The following PAGE2B variants were observed in gnomAD, a reference collection of about 807,000 sequenced individuals.
PAGE2B encodes PAGE family member 2B.
Under a neutral mutation model 7.6 loss-of-function variants are expected in PAGE2B, and 5 were observed. The observed-to-expected ratio is 0.66, with a 90% CI of 0.34 to 1.38. PAGE2B has a LOEUF of 1.38. Among genes scored for constraint, PAGE2B ranks in the 40% most tolerant of loss-of-function variants. PAGE2B has a pLI of 0.04. For missense variants in PAGE2B, 70 were observed against 78.4 expected, an observed-to-expected ratio of 0.89 and a Z score of 0.41; for synonymous variants, 29 against 26.7, an observed-to-expected ratio of 1.09 and a Z score of -0.27.
the PAGE2B span, among the ~76,000 whole-genome samples, chrX:55,028,138 T>C: frequency 9.0e-6 from 1 of 111,043 alleles, no homozygotes; most frequent in South Asian, 3.8e-4. Flanking sequence ...TGGAGATATG[T>C]GTTTCCCTTC....
chrX:55,076,195 A>G, intron 2 of PAGE2B, 70 bp downstream of exon 2: 2 of 1,078,706 alleles, frequency 1.9e-6, no homozygotes, highest in Non-Finnish European at 2.5e-6. Flanking sequence ...GAGCTAGTGT[A>G]CACGCACTGA....
chrX:55,045,005 GT>G, the PAGE2B span: 1 of 111,880 alleles, frequency 8.9e-6, no homozygotes, highest in Non-Finnish European at 1.9e-5. Flanking sequence ...ATTCTTTTAT[GT>G]TTAGAGCTCC....
the PAGE2B span, among the ~76,000 whole-genome samples, chrX:55,059,279 T>C: frequency 9.0e-6 from 1 of 110,779 alleles, no homozygotes; most frequent in African/African-American, 3.3e-5. Context: ...TAGTCTTTCT[T>C]CTGTACCTAT....
chrX:55,074,761 A>T (rs1936484844), upstream of PAGE2B, among the ~76,000 whole-genome samples: 1 of 112,749 alleles, frequency 8.9e-6, no homozygotes, highest in African/African-American at 3.2e-5. Flanking sequence ...GAAACACATT[A>T]TTAGAGTAAC....
the PAGE2B span, among the ~76,000 whole-genome samples, chrX:55,061,498 A>G: frequency 9.0e-6 from 1 of 111,075 alleles, no homozygotes; most frequent in African/African-American, 3.3e-5. Context: ...TGTGGGTTAC[A>G]TGAGATATTT....
At chrX:55,042,935 G>A in the PAGE2B span, among the ~76,000 whole-genome samples, 2 of 110,592 alleles carry the variant, frequency 1.8e-5, no homozygotes, top group South Asian at 7.7e-4. Context: ...TATATTACCT[G>A]ACTTCAAACT....
the PAGE2B span, among the ~76,000 whole-genome samples, chrX:55,040,567 A>G: frequency 9.0e-6 from 1 of 111,621 alleles, no homozygotes; most frequent in Non-Finnish European, 1.9e-5. Flanking sequence ...AAGGATGAAC[A>G]TTGTATGATT....
At chrX:55,069,101 A>T in the PAGE2B span, among the ~76,000 whole-genome samples, 1 of 111,978 alleles carries the variant, frequency 8.9e-6, no homozygotes, top group Non-Finnish European at 1.9e-5. Flanking sequence ...GGGAGAGGGC[A>T]TCCTTGTCTT....
the PAGE2B span, among the ~76,000 whole-genome samples, chrX:55,042,570 T>C: frequency 0.081 from 7,259 of 89,088 alleles, 749 homozygotes; most frequent in African/African-American, 0.28. Flanking sequence ...AGGAGAATGG[T>C]GTGAACCCAG....
At position 55,075,086 on chromosome X, in the gene PAGE2B, A is replaced by T. The variant is rs1380705758; in HGVS notation, c.-37A>T. Reference sequence around the variant, plus strand: ...TGTCTTCATTCTTTCCGCCATCTTGATTCTTTGTCACTGACCGAGACTCAG... The same window carrying T: ...TGTCTTCATTCTTTCCGCCATCTTGTTTCTTTGTCACTGACCGAGACTCAG... On this transcript the variant is annotated 5_prime_UTR_variant, in exon 1 of 5. Coordinates refer to ENST00000374971, the MANE Select transcript of PAGE2B (RefSeq NM_001015038.3). 1.7e-5 allele frequency: 2 copies of T among 115,385 alleles called. No homozygotes were observed. The highest frequency in any genetic ancestry group is 6.4e-5 in the African/African-American group (2 of 31,150). The allele number at this position is 115,385 out of a possible 1,213,427, so 9.5% of individuals were successfully genotyped here. A position where few individuals can be genotyped will look rare whatever the true frequency, so the allele number is the denominator to read the frequency against.
chrX:55,041,078 C>CTTTTT, the PAGE2B span, among the ~76,000 whole-genome samples: 2 of 82,147 alleles, frequency 2.4e-5, no homozygotes, highest in Admixed American at 1.3e-4. Flanking sequence ...TTCAATAATT[C>CTTTTT]TTTTTTTTTT....
At chrX:55,070,486 G>C (rs1470624620), upstream of PAGE2B, among the ~76,000 whole-genome samples, 1 of 111,762 alleles carries the variant, frequency 8.9e-6, no homozygotes, top group Non-Finnish European at 1.9e-5. Context: ...GTGTGATGTG[G>C]TGCTGAGAAG....
At chrX:55,068,105 G>T in the PAGE2B span, among the ~76,000 whole-genome samples, 2 of 112,214 alleles carry the variant, frequency 1.8e-5, no homozygotes, top group South Asian at 3.6e-4. Context: ...CATTGCTTTT[G>T]ATGTTTTAGT....
the PAGE2B span, chrX:55,044,759 A>C: frequency 8.9e-6 from 1 of 111,865 alleles, no homozygotes; most frequent in Non-Finnish European, 1.9e-5. Context: ...TTTTCTGGTG[A>C]TTAATAAGGT....
the PAGE2B span, among the ~76,000 whole-genome samples, chrX:55,039,183 G>T: frequency 2.9e-4 from 32 of 111,020 alleles, no homozygotes; most frequent in African/African-American, 1.0e-3. Context: ...GGCTTGCAGA[G>T]AATTATATTT....
chrX:55,068,555 T>A, the PAGE2B span, among the ~76,000 whole-genome samples: 2 of 112,106 alleles, frequency 1.8e-5, no homozygotes, highest in Non-Finnish European at 3.8e-5. Context: ...TTTAAAGTAG[T>A]TTTTTCCAAT....
chrX:55,050,578 CTT>C, the PAGE2B span, among the ~76,000 whole-genome samples: 1 of 110,792 alleles, frequency 9.0e-6, no homozygotes, highest in African/African-American at 3.3e-5. Context: ...TTCTTTGTCT[CTT>C]TTGATCTTTG....
the PAGE2B span, among the ~76,000 whole-genome samples, chrX:55,035,833 G>A: frequency 8.9e-6 from 1 of 112,000 alleles, no homozygotes; most frequent in Non-Finnish European, 1.9e-5. Flanking sequence ...CCAATTCTGT[G>A]AAGAAAGTCA....
chrX:55,047,279 T>C, the PAGE2B span, among the ~76,000 whole-genome samples: 1 of 112,045 alleles, frequency 8.9e-6, no homozygotes, highest in Non-Finnish European at 1.9e-5. Flanking sequence ...TATGGCTGCA[T>C]AGTATTCCAT....
Sources: gnomAD v4.1 joint callset for allele counts (sites outside exome capture counted in the v4.1 genomes callset) on GRCh38, gnomAD v4.1.1 for gene constraint, MANE v1.5 for transcripts, NCBI Gene and HGNC (gene_info 2026-07-23, HGNC 2026-07-21) for gene names.